The following CATSPERG variants were observed in gnomAD, a reference collection of about 807,000 sequenced individuals.
CATSPERG encodes catsper channel auxiliary subunit gamma.
Under a neutral mutation model 145.0 loss-of-function variants are expected in CATSPERG, and 115 were observed. That is an observed-to-expected ratio of 0.79 (90% confidence interval 0.68 to 0.93). The LOEUF is 0.93. Ranked by LOEUF, CATSPERG falls within the 40% of genes least tolerant of loss-of-function variation. The pLI, the probability that CATSPERG is intolerant of heterozygous loss-of-function variation, is 0.00. For missense variants in CATSPERG, 1,296 were observed against 1,490.1 expected (o/e 0.87, Z 2.14); for synonymous variants, 588 against 589.0 (o/e 1.00, Z 0.02).
chr19:38,357,509 C>T (rs996482613), intron 11 of CATSPERG, among the ~76,000 whole-genome samples: 17 of 96,150 alleles, frequency 1.8e-4, no homozygotes, highest in South Asian at 8.7e-4. Flanking sequence ...GAGCAAGACC[C>T]GGTCTCAAAA....
chr19:38,369,341 A>G (rs1970507819), intron 26 of CATSPERG: 2 of 163,922 alleles, frequency 1.2e-5, no homozygotes, highest in South Asian at 2.7e-4. Flanking sequence ...GCTCACTGCA[A>G]CCTCTGCCTC....
rs771915255 is a variant in CATSPERG, at chr19:38,354,782, C to CT, written c.1071dup (p.Glu358Ter). The CT allele has an allele frequency of 6.2e-7, 1 of 1,614,104 alleles. No individual in the cohort carries two copies. Among genetic ancestry groups the CT allele is most frequent in the East Asian group, 2.2e-5 (1 of 44,884 alleles). ...CCTGTGTATTTCCATAGCAATGGCT[C>CT]TGAGTACATAATGGCCCTCACCACG... On this transcript the variant is annotated frameshift_variant, in exon 9 of 29. Transcript: ENST00000409235. LOFTEE classifies it high-confidence loss of function.
intron 1 of CATSPERG, chr19:38,336,481 C>T (rs929340200): frequency 2.4e-5 from 7 of 290,848 alleles, no homozygotes; most frequent in Admixed American, 1.9e-4. Flanking sequence ...AGGAGCAAGC[C>T]CCGGGCGAGA....
At chr19:38,360,009 C>T in intron 14 of CATSPERG, 3 of 985,144 alleles carry the variant, frequency 3.0e-6, no homozygotes, top group Non-Finnish European at 3.6e-6. Flanking sequence ...AGGGGGACAT[C>T]TTGGAGGCTG....
At chr19:38,336,801 G>C (rs2145054758) in intron 1 of CATSPERG, among the ~76,000 whole-genome samples, 1 of 152,290 alleles carries the variant, frequency 6.6e-6, no homozygotes, top group Middle Eastern at 3.4e-3. Flanking sequence ...GGCGGAATAA[G>C]GAGCAAGGTG....
chr19:38,360,684 C>G, intron 15 of CATSPERG, 37 bp downstream of exon 15: 1 of 1,613,996 alleles, frequency 6.2e-7, no homozygotes, highest in Non-Finnish European at 8.5e-7. Context: ...TCGGGGCACC[C>G]CAGGAGGGCT....
Position 38,344,366 on chromosome 19 carries a change from G to T in CATSPERG, c.667G>T (p.Glu223Ter). The T allele has an allele frequency of 6.4e-7, 1 of 1,551,530 alleles. No homozygotes were observed. Among genetic ancestry groups the T allele is most frequent in the African/African-American group, 1.4e-5 (1 of 73,144 alleles). ...TAACATCCAATTCACTGTGGGAGAG[G>T]AGGTGAGGGAATATGGCAGGGGAAA... ...DNNIQFTVGE[E>*]LFNLMPQYFV... The change falls in exon 6 of 29, where the codon GAG becomes TAG. Residue 223 changes from glutamate to a stop codon, truncating the protein, a stop_gained and splice_region_variant. Coordinates refer to ENST00000409235, the MANE Select transcript of CATSPERG (RefSeq NM_021185.5). LOFTEE classifies it high-confidence loss of function.
At chr19:38,344,579 G>A (rs549975789) in intron 6 of CATSPERG, among the ~76,000 whole-genome samples, 1 of 152,014 alleles carries the variant, frequency 6.6e-6, no homozygotes, top group African/African-American at 2.4e-5. Context: ...GGTCCCAAAG[G>A]GATGGAACCA....
rs1016362664 is a variant in CATSPERG at position 38,335,855 on chromosome 19, C to A, written c.-35C>A. 1.9e-5 allele frequency: 4 copies of A among 211,174 alleles called. No individual in the cohort carries two copies. The Admixed American group carries it at 2.3e-4, about 12-fold the overall frequency. The allele number at this position is 211,174 out of a possible 1,614,324, so 13.1% of individuals were successfully genotyped here. On this transcript the variant is annotated 5_prime_UTR_variant, in exon 1 of 29. Coordinates refer to ENST00000409235, the MANE Select transcript of CATSPERG (RefSeq NM_021185.5). ...ACTGGTGCGGCCGAGTGACAGTTGA[C>A]CGGTTTTAACCAAGTGACTGGTACC... is the stretch of plus-strand genomic sequence containing the variant.
intron 8 of CATSPERG, among the ~76,000 whole-genome samples, chr19:38,354,103 T>C (rs1970202240): frequency 6.6e-6 from 1 of 151,946 alleles, no homozygotes; most frequent in Admixed American, 6.6e-5. Context: ...GAAATTGGAC[T>C]GTAACTTACA....
intron 20 of CATSPERG, among the ~76,000 whole-genome samples, chr19:38,363,082 A>G (rs142791191): frequency 0.013 from 1,986 of 152,118 alleles, 11 homozygotes; most frequent in Non-Finnish European, 0.021. Context: ...TCAGTCGCCC[A>G]GGCTGGAGTG....
At position 38,344,094 on chromosome 19, in the gene CATSPERG, C is replaced by T. The variant is rs762246448; in HGVS notation, c.571C>T (p.Leu191=). Residue 191 remains leucine, a synonymous_variant, in exon 5 of 29, where the codon CTG becomes TTG. Transcript: ENST00000409235. ...GCGTGTGGACATCAGCAGCAATGGCCTGGGGACCTTCATTCCAGATAAAAG... is the reference window on the plus strand; with the variant it reads ...GCGTGTGGACATCAGCAGCAATGGCTTGGGGACCTTCATTCCAGATAAAAG... ...VMRVDISSNG[L]GTFIPDKRFQ... 1.3e-6 allele frequency: 2 copies of T among 1,551,630 alleles called. No homozygotes were observed. Among genetic ancestry groups the T allele is most frequent in the South Asian group, 1.2e-5 (1 of 84,058 alleles).
intron 20 of CATSPERG, among the ~76,000 whole-genome samples, chr19:38,363,471 GGCCCCGTTAGCCTA>G (rs1970388899): frequency 1.3e-5 from 2 of 150,384 alleles, no homozygotes; most frequent in Non-Finnish European, 1.5e-5. Flanking sequence ...CCCTGTGCTT[GGCCCCGTTAGCCTA>G]TTCCTTTTTT....
At chr19:38,351,966 A>T (rs190476634) in intron 7 of CATSPERG, among the ~76,000 whole-genome samples, 2 of 152,156 alleles carry the variant, frequency 1.3e-5, no homozygotes, top group Admixed American at 6.5e-5. Context: ...TATAACACTG[A>T]CTGTAGCCAA....
At chr19:38,340,395 A>G (rs2145061343) in intron 3 of CATSPERG, among the ~76,000 whole-genome samples, 1 of 151,136 alleles carries the variant, frequency 6.6e-6, no homozygotes, top group Non-Finnish European at 1.5e-5. Flanking sequence ...ATCTCGGCTC[A>G]GTACAGCCTA....
chr19:38,362,038 G>T, intron 17 of CATSPERG, 172 bp from the exon 18 acceptor site: 3 of 938,820 alleles, frequency 3.2e-6, no homozygotes, highest in African/African-American at 1.6e-5. Flanking sequence ...AGGGGAAGGC[G>T]TTGGGGGTGT....
In CATSPERG at chr19:38,362,238, C is replaced by A. The variant is rs1465443833; in HGVS notation, c.2123C>A (p.Thr708Asn). 1.9e-6 allele frequency: 3 copies of A among 1,610,456 alleles called. No individual in the cohort carries two copies. In the African/African-American group the frequency reaches 4.0e-5, roughly 22 times the overall value. ...TACGCGGACCCGGTGCACGACCCCACCTGGCGCTGGTGGGCGAACAACAAA... is the reference window on the plus strand; with the variant it reads ...TACGCGGACCCGGTGCACGACCCCAACTGGCGCTGGTGGGCGAACAACAAA... Reference protein sequence around the residue: ...KPYADPVHDPTWRWWANNKQD... With the variant: ...KPYADPVHDPNWRWWANNKQD... The change falls in exon 18 of 29, where the codon ACC becomes AAC. Residue 708 changes from threonine (T) to asparagine (N), a missense_variant. Coordinates refer to ENST00000409235, the MANE Select transcript of CATSPERG (RefSeq NM_021185.5).
At chr19:38,355,997 C>T (rs549079387) in intron 9 of CATSPERG, among the ~76,000 whole-genome samples, 3 of 152,148 alleles carry the variant, frequency 2.0e-5, no homozygotes, top group African/African-American at 7.2e-5. Context: ...TCTAGGTCAC[C>T]GGGTTGATAT....
At chr19:38,370,118 G>T in intron 27 of CATSPERG, 41 bp from the exon 28 acceptor site, 1 of 1,613,462 alleles carries the variant, frequency 6.2e-7, no homozygotes, top group Non-Finnish European at 8.5e-7. Flanking sequence ...TGGAATGCCT[G>T]GCTTCTCCTC....
Sources: allele counts gnomAD v4.1 joint callset (sites outside exome capture counted in the v4.1 genomes callset), GRCh38; gene constraint gnomAD v4.1.1; transcripts MANE v1.5; gene names NCBI Gene and HGNC (gene_info 2026-07-23, HGNC 2026-07-21).